Variants in PPM1L observed in about 807,000 individuals in gnomAD.
The protein encoded by PPM1L is protein phosphatase 1L.
PPM1L carries 13 observed loss-of-function variants against 31.4 expected under a neutral mutation model. That is an observed-to-expected ratio of 0.41 (90% CI 0.27 to 0.66). The LOEUF (loss-of-function observed/expected upper bound fraction) is 0.66, where lower values mean the gene tolerates loss of function less well. Among genes scored for constraint, PPM1L ranks in the 30% least tolerant of loss-of-function variants. The probability of loss-of-function intolerance (pLI) is 0.29; values close to 1 mark genes in which losing one functional copy is unlikely to be tolerated. For missense variants in PPM1L, 326 were observed against 453.7 expected, an observed-to-expected ratio of 0.72 and a Z score of 2.56; for synonymous variants, 184 against 175.4, an observed-to-expected ratio of 1.05 and a Z score of -0.39.
chr3:160,934,185 G>T (rs1295012159), intron 1 of PPM1L, among the ~76,000 whole-genome samples: 1 of 152,200 alleles, frequency 6.6e-6, no homozygotes, highest in African/African-American at 2.4e-5. Context: ...CCCCTCCTGT[G>T]CTGATATTAG....
At chr3:160,767,889 A>C (rs1055100239) in intron 1 of PPM1L, among the ~76,000 whole-genome samples, 1 of 152,134 alleles carries the variant, frequency 6.6e-6, no homozygotes, top group African/African-American at 2.4e-5. Context: ...AAGTGCTTTC[A>C]TTTATCGTTT....
intron 1 of PPM1L, among the ~76,000 whole-genome samples, chr3:160,801,740 T>A (rs1712432622): frequency 6.6e-6 from 1 of 152,184 alleles, no homozygotes; most frequent in Non-Finnish European, 1.5e-5. Context: ...GCATTTCCCT[T>A]TTAGTATTTT....
chr3:161,067,216 T>C (rs980027398), intron 3 of PPM1L, among the ~76,000 whole-genome samples: 2 of 152,214 alleles, frequency 1.3e-5, no homozygotes, highest in Non-Finnish European at 2.9e-5. Context: ...ATGCTTCCTC[T>C]TCTTCCCTGT....
intron 1 of PPM1L, among the ~76,000 whole-genome samples, chr3:160,812,087 C>T (rs56157815): frequency 0.058 from 8,811 of 152,210 alleles, 277 homozygotes; most frequent in African/African-American, 0.076. Context: ...TCTCAGCTCA[C>T]GATGTTAGCG....
chr3:160,966,121 C>T (rs1716135306), intron 2 of PPM1L, among the ~76,000 whole-genome samples: 1 of 151,962 alleles, frequency 6.6e-6, no homozygotes. Context: ...TGTGTGCAAC[C>T]CTACCGTGTC....
At chr3:160,963,261 G>A (rs765757970) in intron 2 of PPM1L, among the ~76,000 whole-genome samples, 4 of 151,996 alleles carry the variant, frequency 2.6e-5, no homozygotes, top group East Asian at 3.9e-4. Context: ...GTAAAACTGG[G>A]ACGCCAACTT....
chr3:160,922,430 T>C (rs552564424), intron 1 of PPM1L, among the ~76,000 whole-genome samples: 59 of 152,354 alleles, frequency 3.9e-4, no homozygotes, highest in African/African-American at 1.3e-3. Context: ...GTCTTATATG[T>C]TCCTCTGTCC....
intron 2 of PPM1L, among the ~76,000 whole-genome samples, chr3:161,032,866 ATTTTT>A (rs61145165): frequency 2.0e-4 from 21 of 107,354 alleles, no homozygotes; most frequent in Admixed American, 4.0e-4. Flanking sequence ...CTAATTTTGT[ATTTTT>A]TTTTTTTTTT....
chr3:160,835,086 T>TTCTTCTTCTTCC (rs11474788), intron 1 of PPM1L, among the ~76,000 whole-genome samples: 3 of 106,220 alleles, frequency 2.8e-5, no homozygotes, highest in African/African-American at 1.1e-4. Flanking sequence ...CTTCTTCTTC[T>TTCTTCTTCTTCC]TTCTTTTTTC....
At chr3:160,966,072 G>A (rs1716134184) in intron 2 of PPM1L, among the ~76,000 whole-genome samples, 1 of 151,806 alleles carries the variant, frequency 6.6e-6, no homozygotes, top group Non-Finnish European at 1.5e-5. Flanking sequence ...CTAGCAACCT[G>A]GAATTCAGCA....
At chr3:160,956,485 C>T (rs983260200) in intron 1 of PPM1L, among the ~76,000 whole-genome samples, 3 of 152,188 alleles carry the variant, frequency 2.0e-5, no homozygotes, top group African/African-American at 7.2e-5. Context: ...TGCAAGGCAA[C>T]CTTTAATTCA....
chr3:160,912,139 A>C (rs1483859270), intron 1 of PPM1L, among the ~76,000 whole-genome samples: 1 of 152,100 alleles, frequency 6.6e-6, no homozygotes, highest in African/African-American at 2.4e-5. Flanking sequence ...TCATGCCTGA[A>C]AGCTGAATGG....
chr3:160,842,435 A>G (rs137875993), intron 1 of PPM1L: 2 of 637,506 alleles, frequency 3.1e-6, no homozygotes, highest in East Asian at 5.5e-5. Context: ...TATTCTGTAG[A>G]AAATGGATGA....
chr3:161,037,800 C>A (rs1262465846), intron 2 of PPM1L, among the ~76,000 whole-genome samples: 1 of 152,000 alleles, frequency 6.6e-6, no homozygotes, highest in East Asian at 2.0e-4. Context: ...GGCACAACCA[C>A]CCTACTAAGC....
chr3:160,863,576 A>G (rs1323886296), intron 1 of PPM1L, among the ~76,000 whole-genome samples: 2 of 152,222 alleles, frequency 1.3e-5, no homozygotes, highest in African/African-American at 4.8e-5. Context: ...GATGTAAGTC[A>G]TGTGCTGCTG....
At chr3:160,850,251 C>G (rs539846746) in intron 1 of PPM1L, among the ~76,000 whole-genome samples, 3 of 152,138 alleles carry the variant, frequency 2.0e-5, no homozygotes, top group Non-Finnish European at 4.4e-5. Context: ...GAAAGAGATT[C>G]ATAGAGCAAG....
At chr3:160,959,898 C>T (rs1203240513) in intron 1 of PPM1L, among the ~76,000 whole-genome samples, 1 of 151,968 alleles carries the variant, frequency 6.6e-6, no homozygotes, top group Non-Finnish European at 1.5e-5. Context: ...CATACCTTCT[C>T]CTATGCCTAT....
At chr3:160,810,822 T>A (rs1712782218) in intron 1 of PPM1L, among the ~76,000 whole-genome samples, 1 of 152,262 alleles carries the variant, frequency 6.6e-6, no homozygotes, top group Non-Finnish European at 1.5e-5. Flanking sequence ...CTCATGTTGA[T>A]GACCTGGATC....
intron 2 of PPM1L, among the ~76,000 whole-genome samples, chr3:160,998,679 A>G (rs1441937270): frequency 6.6e-6 from 1 of 152,174 alleles, no homozygotes; most frequent in Non-Finnish European, 1.5e-5. Flanking sequence ...TGGCAATATT[A>G]GAAAGACTGT....
Sources: allele counts gnomAD v4.1 joint callset (sites outside exome capture counted in the v4.1 genomes callset), GRCh38; gene constraint gnomAD v4.1.1; transcripts MANE v1.5; gene names NCBI Gene and HGNC (gene_info 2026-07-23, HGNC 2026-07-21).